Variants in AKAP13 observed in about 807,000 individuals in gnomAD.
The protein encoded by AKAP13 is A-kinase anchor protein 13.
Under a neutral mutation model 264.5 loss-of-function variants are expected in AKAP13, and 80 were observed. The observed-to-expected ratio is 0.30, with a 90% CI of 0.25 to 0.36. AKAP13 has a LOEUF of 0.36. Among genes scored for constraint, AKAP13 ranks in the 10% least tolerant of loss-of-function variants. The pLI is 1.00. For missense variants in AKAP13, 3,712 were observed against 3,435.2 expected (o/e 1.08, Z -2.01); for synonymous variants, 1,380 against 1,250.2 (o/e 1.10, Z -2.19).
intron 16 of AKAP13, chr15:85,691,925 G>T (rs1429063518): frequency 4.3e-6 from 2 of 467,344 alleles, no homozygotes; most frequent in Non-Finnish European, 8.6e-6. Context: ...TGCTTTTCCT[G>T]CCTTCCTGCA....
rs536189499 is a variant in AKAP13 at position 85,635,347 on chromosome 15, C to T, written c.4162-4027C>T. On this transcript the variant is annotated intron_variant, in intron 8 of 36. Transcript: ENST00000394518. ...GGGTATCTTTTTTTTGCTTATCTGC[C>T]TTTCGTATATCTTTTTAAATAAAAT... Among the ~76,000 whole-genome samples the T allele has an allele frequency of 1.2e-4, 19 of 152,068 alleles. No individual in the cohort carries two copies. In the East Asian group the frequency reaches 3.5e-3, roughly 28 times the overall value.
At chr15:85,504,527 A>C (rs1296923386) in intron 2 of AKAP13, among the ~76,000 whole-genome samples, 4 of 119,626 alleles carry the variant, frequency 3.3e-5, no homozygotes, top group Non-Finnish European at 6.9e-5. Flanking sequence ...AAAAAAAAAA[A>C]AAAAAAAAGA....
In AKAP13 at chr15:85,717,279, T is replaced by C; in HGVS notation, c.5736-11T>C. On this transcript the variant is annotated splice_polypyrimidine_tract_variant and intron_variant, in intron 20 of 36. Coordinates refer to ENST00000394518, the MANE Select transcript of AKAP13 (RefSeq NM_007200.5). ...TGTATTTGACAGTATGTATTTTTCT[T>C]TTGTCCCCAGAGTTGGCAATGATGA... 1.3e-6 allele frequency: 2 copies of C among 1,579,568 alleles called. No individual in the cohort carries two copies. Among genetic ancestry groups the C allele is most frequent in the Admixed American group, 3.6e-5 (2 of 56,076 alleles).
chr15:85,683,981 A>G (rs1246152171), intron 15 of AKAP13, among the ~76,000 whole-genome samples: 2 of 152,338 alleles, frequency 1.3e-5, no homozygotes, highest in South Asian at 2.1e-4. Flanking sequence ...TGCATGGACC[A>G]GTCCACAGTC....
intron 14 of AKAP13, among the ~76,000 whole-genome samples, chr15:85,673,326 G>A (rs1253889172): frequency 6.6e-6 from 1 of 152,214 alleles, no homozygotes; most frequent in Non-Finnish European, 1.5e-5. Context: ...AACCACAGAG[G>A]ACGGGAAAAG....
chr15:85,630,483 T>C (rs1429497066), intron 8 of AKAP13, among the ~76,000 whole-genome samples: 1 of 152,244 alleles, frequency 6.6e-6, no homozygotes, highest in African/African-American at 2.4e-5. Flanking sequence ...GGTAGGCTTA[T>C]TGACCGACCT....
At chr15:85,569,184 G>T (rs959456023) in intron 5 of AKAP13, among the ~76,000 whole-genome samples, 1 of 152,158 alleles carries the variant, frequency 6.6e-6, no homozygotes, top group Admixed American at 6.5e-5. Context: ...AGACACCCTG[G>T]TAAAGACATT....
chr15:85,542,112 A>C (rs1405334407), intron 4 of AKAP13, among the ~76,000 whole-genome samples: 1 of 152,226 alleles, frequency 6.6e-6, no homozygotes, highest in Non-Finnish European at 1.5e-5. Flanking sequence ...ATGTCAGAAC[A>C]ACTGTAAGGC....
chr15:85,438,756 G>A (rs2073463174), intron 1 of AKAP13, among the ~76,000 whole-genome samples: 1 of 151,960 alleles, frequency 6.6e-6, no homozygotes, highest in Non-Finnish European at 1.5e-5. Context: ...GGGAAAACTG[G>A]CTAGCCATAT....
At chr15:85,477,140 A>G (rs1314615922) in intron 1 of AKAP13, among the ~76,000 whole-genome samples, 1 of 152,098 alleles carries the variant, frequency 6.6e-6, no homozygotes, top group African/African-American at 2.4e-5. Context: ...GGTATCCCAA[A>G]AGAACTGTTC....
intron 2 of AKAP13, among the ~76,000 whole-genome samples, chr15:85,502,085 G>A (rs867413317): frequency 6.6e-6 from 1 of 152,154 alleles, no homozygotes; most frequent in African/African-American, 2.4e-5. Context: ...CCACACCCCA[G>A]AGTTTCTGAT....
At chr15:85,662,703 ATC>A (rs1567181571) in intron 12 of AKAP13, among the ~76,000 whole-genome samples, 1 of 152,188 alleles carries the variant, frequency 6.6e-6, no homozygotes, top group Non-Finnish European at 1.5e-5. Flanking sequence ...GCACAGATTT[ATC>A]TCTCTCTGTT....
In AKAP13 at chr15:85,664,678, C is replaced by T. The variant is rs927295296; in HGVS notation, c.4915C>T (p.Arg1639Trp). ...ELRHPFSGEE[R>W]VDSLVSLSEE... The stretch of plus-strand genomic sequence containing the variant: ...CAGACACCCATTCAGTGGTGAGGAA[C>T]GGGTTGACTCTTTGGTGTCACTTTC... The change falls in exon 13 of 37, where the codon CGG (arginine) becomes TGG (tryptophan). Residue 1639 changes from arginine (R) to tryptophan (W), a missense_variant. Physicochemically the swap from Arg to Trp is moderately radical, Grantham distance 101 (BLOSUM62 -3). This residue lies in a region of AKAP13 where 2,759 missense variants were observed against 2,411.7 expected (regional missense o/e 1.14). Transcript: ENST00000394518. 4 of 1,613,912 alleles carry T rather than the reference C, an allele frequency of 2.5e-6. No homozygotes were observed. The highest frequency in any genetic ancestry group is 3.3e-5 in the Admixed American group (2 of 59,996).
At chr15:85,538,679 C>T (rs558928729) in intron 4 of AKAP13, among the ~76,000 whole-genome samples, 56 of 150,212 alleles carry the variant, frequency 3.7e-4, no homozygotes, top group African/African-American at 1.3e-3. Context: ...TTAGTAGAGA[C>T]GGGGTTTCAC....
intron 1 of AKAP13, among the ~76,000 whole-genome samples, chr15:85,393,671 A>C (rs1344845710): frequency 6.6e-6 from 1 of 152,174 alleles, no homozygotes; most frequent in Non-Finnish European, 1.5e-5. Flanking sequence ...GACAGATATT[A>C]TTCTTTCTCC....
At chr15:85,480,316 A>AT (rs1031378556) in intron 1 of AKAP13, among the ~76,000 whole-genome samples, 2 of 152,196 alleles carry the variant, frequency 1.3e-5, no homozygotes, top group Admixed American at 1.3e-4. Flanking sequence ...AAAGTATCTT[A>AT]TGTGGGGTTA....
At position 85,693,451 on chromosome 15, in the gene AKAP13, A is replaced by C; in HGVS notation, c.5464A>C (p.Asn1822His). The C allele has an allele frequency of 6.2e-7, 1 of 1,611,422 alleles. No individual in the cohort carries two copies. The highest frequency in any genetic ancestry group is 1.1e-5 in the South Asian group (1 of 90,112). Residue 1822 changes from asparagine (N) to histidine (H), a missense_variant and splice_region_variant, in exon 17 of 37, where the codon AAT becomes CAT. By Grantham distance (68) the Asn-to-His change is moderately conservative. This residue lies in a region of AKAP13 where 2,759 missense variants were observed against 2,411.7 expected (regional missense o/e 1.14). Transcript: ENST00000394518. ...CAACAAAGATGCCTATACTTGTGCA[A>C]GTAAGAGACATGCTTCTTCCTCTCG... is the stretch of plus-strand genomic sequence containing the variant. ...FTNKDAYTCA[N>H]CSAFVHKGCR...
intron 1 of AKAP13, among the ~76,000 whole-genome samples, chr15:85,468,861 G>A (rs937291735): frequency 2.6e-5 from 4 of 151,414 alleles, no homozygotes; most frequent in Non-Finnish European, 5.9e-5. Context: ...CTAACAGATT[G>A]AGAGCTCCTT....
rs113760121 is a variant in AKAP13 at position 85,611,508 on chromosome 15, CTCGGTTTCTTTTCTTG to C, written c.4161+25686_4161+25701del. 3.7e-3 allele frequency among the ~76,000 whole-genome samples: 567 copies of C among 152,282 alleles called. 4 individuals are homozygous for C. Among genetic ancestry groups the C allele is most frequent in the African/African-American group, 0.013 (536 of 41,556 alleles). Reference sequence around the variant, plus strand: ...TGTTAATGTTAAATATTTTTGGACTCTCGGTTTCTTTTCTTGAGCTCTGCTTTCAGCAGCTGAGTTC... The same window carrying C: ...TGTTAATGTTAAATATTTTTGGACTCAGCTCTGCTTTCAGCAGCTGAGTTC... On this transcript the variant is annotated intron_variant, in intron 8 of 36. Coordinates refer to ENST00000394518, the MANE Select transcript of AKAP13 (RefSeq NM_007200.5).
Sources: allele counts gnomAD v4.1 joint callset (sites outside exome capture counted in the v4.1 genomes callset), GRCh38; gene constraint gnomAD v4.1.1; regional missense constraint gnomAD v4.1.1; transcripts MANE v1.5; gene names NCBI Gene and HGNC (gene_info 2026-07-23, HGNC 2026-07-21).